The following PDE7B variants were observed in gnomAD, a reference collection of about 807,000 sequenced individuals.
PDE7B encodes 3',5'-cyclic-AMP phosphodiesterase 7B.
PDE7B carries 29 observed loss-of-function variants against 56.2 expected under a neutral mutation model. The ratio of observed to expected loss-of-function variants is 0.52; its 90% CI spans 0.38 to 0.70. PDE7B has a LOEUF of 0.70. Ranked by LOEUF, PDE7B falls within the 30% of genes least tolerant of loss-of-function variation. The pLI is 0.00. For missense variants in PDE7B, 490 were observed against 565.0 expected, an observed-to-expected ratio of 0.87 and a Z score of 1.35; for synonymous variants, 197 against 196.9, an observed-to-expected ratio of 1.00 and a Z score of 0.00.
intron 1 of PDE7B, among the ~76,000 whole-genome samples, chr6:135,938,335 T>C (rs1388902610): frequency 6.6e-6 from 1 of 152,228 alleles, no homozygotes; most frequent in African/African-American, 2.4e-5. Flanking sequence ...ACCCTTGGGA[T>C]TCTGAGACAA....
rs529819714 is a variant in PDE7B at position 136,095,520 on chromosome 6, G to A, written c.83-13211G>A. ...CAGAGGATCGGATGAGGCCCAGAAT[G>A]GGTAGGACTTACCAAGGTCACAGAG... On this transcript the variant is annotated intron_variant, in intron 2 of 12. Transcript: ENST00000308191. Among the ~76,000 whole-genome samples the A allele has an allele frequency of 3.3e-5, 5 of 152,294 alleles. No homozygotes were observed. The East Asian group carries it at 9.7e-4, about 29-fold the overall frequency.
At chr6:136,044,139 C>T (rs961530239) in intron 2 of PDE7B, 8 of 152,150 alleles carry the variant, frequency 5.3e-5, no homozygotes, top group African/African-American at 1.9e-4. Context: ...TTCATGAATC[C>T]CTCCTGAGAT....
chr6:136,036,298 T>G (rs1776325297), intron 2 of PDE7B, among the ~76,000 whole-genome samples: 1 of 152,210 alleles, frequency 6.6e-6, no homozygotes, highest in Non-Finnish European at 1.5e-5. Context: ...GATTATTCCC[T>G]AATTGTGTTG....
At chr6:136,173,939 C>A (rs760829541) in intron 9 of PDE7B, 51 bp downstream of exon 9, 5 of 1,321,962 alleles carry the variant, frequency 3.8e-6, no homozygotes, top group Non-Finnish European at 5.5e-6. Context: ...TAAAGATAAG[C>A]CACTTTCTCT....
chr6:136,144,751 T>C (rs1778387428), intron 3 of PDE7B, among the ~76,000 whole-genome samples: 1 of 152,156 alleles, frequency 6.6e-6, no homozygotes, highest in African/African-American at 2.4e-5. Flanking sequence ...AGGCTGATTG[T>C]TTTGTGAAGT....
chr6:136,038,637 G>C (rs1443296320), intron 2 of PDE7B: 94 of 815,160 alleles, frequency 1.2e-4, no homozygotes, highest in Non-Finnish European at 1.6e-4. Context: ...GTAGCATCAG[G>C]TCTGAGGGCT....
chr6:136,019,678 C>A (rs933852776), intron 2 of PDE7B, among the ~76,000 whole-genome samples: 3 of 152,096 alleles, frequency 2.0e-5, no homozygotes, highest in Non-Finnish European at 2.9e-5. Flanking sequence ...CTACTAATAG[C>A]CTATTTTGAC....
At chr6:135,959,430 T>TA (rs1349116769) in intron 2 of PDE7B, among the ~76,000 whole-genome samples, 1 of 152,146 alleles carries the variant, frequency 6.6e-6, no homozygotes, top group Non-Finnish European at 1.5e-5. Context: ...ATCAAGTATT[T>TA]AAAAAAGAAA....
intron 3 of PDE7B, among the ~76,000 whole-genome samples, chr6:136,140,308 C>G (rs1186779276): frequency 6.6e-6 from 1 of 152,140 alleles, no homozygotes; most frequent in Non-Finnish European, 1.5e-5. Context: ...TCTGAGGGCT[C>G]TGTTCTGTTC....
At chr6:136,111,996 A>C (rs1372438219) in intron 3 of PDE7B, among the ~76,000 whole-genome samples, 2 of 152,162 alleles carry the variant, frequency 1.3e-5, no homozygotes, top group African/African-American at 2.4e-5. Context: ...CCAGCTCTGC[A>C]TCCCTGCAGC....
At chr6:136,054,825 G>A (rs1776700902) in intron 2 of PDE7B, among the ~76,000 whole-genome samples, 1 of 152,182 alleles carries the variant, frequency 6.6e-6, no homozygotes, top group Non-Finnish European at 1.5e-5. Context: ...TGAAGGAAAA[G>A]CAAAGGGACA....
At position 136,093,176 on chromosome 6, in the gene PDE7B, CA is replaced by C. The variant is rs1373395758; in HGVS notation, c.83-15552del. ...TTACCCAGTATGATGGCTGTGAAAA[CA>C]AACGATGCTGCTTGTCAGGGGTATG... On this transcript the variant is annotated intron_variant, in intron 2 of 12. Transcript: ENST00000308191. 2.6e-5 allele frequency among the ~76,000 whole-genome samples: 4 copies of C among 152,180 alleles called. No homozygotes were observed. In the East Asian group the frequency reaches 7.7e-4, roughly 29 times the overall value.
chr6:136,038,601 A>G, intron 2 of PDE7B: 1 of 1,143,798 alleles, frequency 8.7e-7, no homozygotes, highest in Non-Finnish European at 1.1e-6. Context: ...TGTAGAGTCC[A>G]AGCCATAGGG....
intron 9 of PDE7B, among the ~76,000 whole-genome samples, chr6:136,174,225 G>A (rs1778940633): frequency 1.3e-5 from 2 of 152,108 alleles, no homozygotes; most frequent in South Asian, 4.1e-4. Context: ...CTTCCATGTA[G>A]CTCCAAATAG....
At chr6:136,011,349 A>G (rs1030997090) in intron 2 of PDE7B, among the ~76,000 whole-genome samples, 8 of 152,214 alleles carry the variant, frequency 5.3e-5, no homozygotes, top group African/African-American at 1.9e-4. Flanking sequence ...AACGTGGAGC[A>G]TCTTTCTTTG....
At chr6:136,164,705 A>G (rs1672472289) in intron 8 of PDE7B, among the ~76,000 whole-genome samples, 2 of 152,198 alleles carry the variant, frequency 1.3e-5, no homozygotes, top group Non-Finnish European at 2.9e-5. Context: ...TTCATTGCAG[A>G]GAAATATGAT....
At chr6:136,138,653 T>C (rs1778257338) in intron 3 of PDE7B, among the ~76,000 whole-genome samples, 1 of 152,190 alleles carries the variant, frequency 6.6e-6, no homozygotes, top group Admixed American at 6.6e-5. Flanking sequence ...GCATTGGTTC[T>C]GAATCATTTG....
At chr6:135,947,639 T>C in intron 2 of PDE7B, 115 bp downstream of exon 2, 2 of 738,552 alleles carry the variant, frequency 2.7e-6, no homozygotes, top group Non-Finnish European at 4.9e-6. Context: ...ATAGGTTCTT[T>C]TGTGGTTATG....
intron 1 of PDE7B, among the ~76,000 whole-genome samples, chr6:135,924,184 T>C (rs1774141771): frequency 6.6e-6 from 1 of 152,230 alleles, no homozygotes; most frequent in Admixed American, 6.5e-5. Context: ...CAATAATTCT[T>C]ATTCCAGAAA....
Sources: gnomAD v4.1 joint callset for allele counts (sites outside exome capture counted in the v4.1 genomes callset) on GRCh38, gnomAD v4.1.1 for gene constraint, MANE v1.5 for transcripts, NCBI Gene and HGNC (gene_info 2026-07-23, HGNC 2026-07-21) for gene names.